Variants in CLRN3 observed in about 807,000 individuals in gnomAD.
CLRN3 encodes the protein clarin-3.
In CLRN3, 12 loss-of-function variants were observed where a neutral mutation model predicts 16.7. The observed-to-expected ratio is 0.72, with a 90% CI of 0.46 to 1.16. CLRN3 has a LOEUF of 1.16. Ranked by LOEUF, CLRN3 falls within the 50% of genes most tolerant of loss-of-function variation. CLRN3 has a pLI of 0.00. For missense variants in CLRN3, 296 were observed against 274.2 expected, an observed-to-expected ratio of 1.08 and a Z score of -0.56; for synonymous variants, 118 against 113.0, an observed-to-expected ratio of 1.04 and a Z score of -0.28.
At chr10:127,888,946 C>A (rs563005635) in intron 1 of CLRN3, among the ~76,000 whole-genome samples, 5 of 152,128 alleles carry the variant, frequency 3.3e-5, no homozygotes, top group African/African-American at 9.7e-5. Context: ...CCTCACCCCG[C>A]GGAGATTGCT....
intron 2 of CLRN3, among the ~76,000 whole-genome samples, chr10:127,881,276 G>A (rs576413377): frequency 1.3e-5 from 2 of 152,202 alleles, no homozygotes; most frequent in East Asian, 1.9e-4. Context: ...TTGTGGATAG[G>A]AGTAGGCAGG....
chr10:127,887,046 T>G (rs1845203328), intron 1 of CLRN3, among the ~76,000 whole-genome samples: 1 of 152,222 alleles, frequency 6.6e-6, no homozygotes, highest in South Asian at 2.1e-4. Context: ...AGGTGAAATT[T>G]CTTGCCTCTG....
chr10:127,883,679 C>G lies in CLRN3; in HGVS notation c.409+17G>C. On this transcript the variant is annotated intron_variant, in intron 2 of 2. Coordinates refer to ENST00000368671, the MANE Select transcript of CLRN3 (RefSeq NM_152311.5). ...TGCAGTTTTCTGCAGAGCACCGAGT[C>G]TCACAGGGCCACTCACCACCGAGCC... 3 of 1,587,822 alleles carry G rather than the reference C, an allele frequency of 1.9e-6. No individual in the cohort carries two copies. The highest frequency in any genetic ancestry group is 2.6e-6 in the Non-Finnish European group (3 of 1,156,352).
intron 2 of CLRN3, among the ~76,000 whole-genome samples, chr10:127,879,880 C>T (rs548422554): frequency 6.6e-4 from 101 of 152,248 alleles, no homozygotes; most frequent in South Asian, 1.0e-3. Context: ...AGGTCTGATA[C>T]GCACGGGGGC....
intron 1 of CLRN3, among the ~76,000 whole-genome samples, chr10:127,892,065 T>A (rs1052133558): frequency 3.9e-5 from 6 of 152,230 alleles, no homozygotes; most frequent in African/African-American, 1.4e-4. Context: ...TTTAATATAA[T>A]TTCCAACGAT....
intron 2 of CLRN3, among the ~76,000 whole-genome samples, chr10:127,881,914 C>A (rs1044559678): frequency 2.0e-5 from 3 of 152,208 alleles, no homozygotes; most frequent in Admixed American, 2.0e-4. Context: ...CAGGCCGAGA[C>A]CTTGACTCGA....
At chr10:127,878,784 AG>A (rs1479623712) in intron 2 of CLRN3, among the ~76,000 whole-genome samples, 1 of 152,210 alleles carries the variant, frequency 6.6e-6, no homozygotes, top group African/African-American at 2.4e-5. Context: ...GTCTGGGAAG[AG>A]CTGAGGAAGG....
chr10:127,878,219 G>A lies in CLRN3; in HGVS notation c.611C>T (p.Ala204Val), dbSNP rs770990419. The change falls in exon 3 of 3, where the codon GCC (alanine) becomes GTC (valine). Residue 204 changes from alanine (A) to valine (V), a missense_variant. Physicochemically the swap from Ala to Val is moderately conservative, Grantham distance 64. Transcript: ENST00000368671. ...TVTIIIFYQKARYQRKQEQRK... is the reference protein window; with the variant it reads ...TVTIIIFYQKVRYQRKQEQRK... ...CTGCTCCTGCTTCCGCTGGTATCTGGCCTTCTGGTAGAAAATGATGATGGT... is the reference window on the plus strand; with the variant it reads ...CTGCTCCTGCTTCCGCTGGTATCTGACCTTCTGGTAGAAAATGATGATGGT... 143 of 1,614,046 alleles carry A rather than the reference G, an allele frequency of 8.9e-5. 2 individuals are homozygous for A. The highest frequency in any genetic ancestry group is 8.6e-4 in the South Asian group (78 of 91,088).
At chr10:127,878,889 G>C (rs7073234) in intron 2 of CLRN3, among the ~76,000 whole-genome samples, 69,339 of 151,946 alleles carry the variant, frequency 0.46, 18,981 homozygotes, top group South Asian at 0.59. Context: ...AAGCTCAGCT[G>C]CTGGGGAGAG....
intron 1 of CLRN3, among the ~76,000 whole-genome samples, chr10:127,887,927 C>T (rs544088764): frequency 2.6e-5 from 4 of 152,290 alleles, no homozygotes; most frequent in Non-Finnish European, 2.9e-5. Context: ...AAGAGAAGAG[C>T]GTCTGGCCCG....
chr10:127,892,873 G>C lies in CLRN3; in HGVS notation c.-89C>G, dbSNP rs1161139819. ...CTTATCTTTTGAAGTCTGGTATTTA[G>C]AAATGGAGTCTAACACTTTATTGTC... On this transcript the variant is annotated 5_prime_UTR_variant, in exon 1 of 3. Coordinates refer to ENST00000368671, the MANE Select transcript of CLRN3 (RefSeq NM_152311.5). 1 of 752,934 alleles carries C rather than the reference G, an allele frequency of 1.3e-6. No individual in the cohort carries two copies. Among genetic ancestry groups the C allele is most frequent in the African/African-American group, 1.8e-5 (1 of 56,942 alleles). The allele number at this position is 752,934 out of a possible 1,614,324, so 46.6% of individuals were successfully genotyped here. A position where few individuals can be genotyped will look rare whatever the true frequency, so the allele number is the denominator to read the frequency against.
In CLRN3 at chr10:127,892,690, G is replaced by A; in HGVS notation, c.95C>T (p.Ala32Val). 6.8e-6 allele frequency: 11 copies of A among 1,612,256 alleles called. No homozygotes were observed. The highest frequency in any genetic ancestry group is 9.3e-6 in the Non-Finnish European group (11 of 1,178,304). ...IVICSILGTQAWITSTIAVRD... is the reference protein window; with the variant it reads ...IVICSILGTQVWITSTIAVRD... ...AACAGCAATTGTACTGGTGATCCAT[G>A]CTTGTGTCCCAAGAATAGAGCAAAT... Residue 32 changes from alanine (A) to valine (V), a missense_variant, in exon 1 of 3, where the codon GCA becomes GTA. By Grantham distance (64) the Ala-to-Val change is moderately conservative. Coordinates refer to ENST00000368671, the MANE Select transcript of CLRN3 (RefSeq NM_152311.5).
intron 2 of CLRN3, among the ~76,000 whole-genome samples, chr10:127,879,200 C>G (rs1845096652): frequency 6.6e-6 from 1 of 152,164 alleles, no homozygotes; most frequent in Non-Finnish European, 1.5e-5. Flanking sequence ...CCTCCACCTC[C>G]CAGGCTCCAT....
intron 2 of CLRN3, among the ~76,000 whole-genome samples, chr10:127,879,642 G>A (rs1347579106): frequency 6.6e-6 from 1 of 152,144 alleles, no homozygotes; most frequent in East Asian, 1.9e-4. Flanking sequence ...ATAGCTAAAG[G>A]GCATGGGGTT....
chr10:127,891,378 G>A (rs1286848171), intron 1 of CLRN3, among the ~76,000 whole-genome samples: 3 of 152,218 alleles, frequency 2.0e-5, no homozygotes, highest in African/African-American at 7.2e-5. Flanking sequence ...TTTGTTAAAT[G>A]TGTCTGAGGC....
intron 2 of CLRN3, among the ~76,000 whole-genome samples, chr10:127,879,129 A>C (rs764481349): frequency 6.6e-6 from 1 of 152,160 alleles, no homozygotes; most frequent in Non-Finnish European, 1.5e-5. Flanking sequence ...GTTTGTTTTG[A>C]GATGGGGTCT....
At position 127,892,648 on chromosome 10, in the gene CLRN3, T is replaced by A. The variant is rs116562518; in HGVS notation, c.137A>T (p.Asn46Ile). 1,202 of 1,612,740 alleles carry A rather than the reference T, an allele frequency of 7.5e-4. 8 individuals are homozygous for A. In the African/African-American group the frequency reaches 0.014, roughly 18 times the overall value. The change falls in exon 1 of 3, where the codon AAT becomes ATT. Residue 46 changes from asparagine to isoleucine, a missense_variant. Transcript: ENST00000368671. The part of the protein sequence containing the change: ...STIAVRDSAS[N>I]GSIFITYGLF... ...TCCGTAAGTGATGAAAATGCTCCCA[T>A]TTGAAGCAGAGTCTCTAACAGCAAT...
At chr10:127,884,032 G>A (rs989334646) in intron 1 of CLRN3, 157 bp from the exon 2 acceptor site, 34 of 680,426 alleles carry the variant, frequency 5.0e-5, no homozygotes, top group Middle Eastern at 2.4e-4. Context: ...AACAAGACCC[G>A]CATTCCCCAC....
chr10:127,884,270 A>G (rs966555226), intron 1 of CLRN3, among the ~76,000 whole-genome samples: 4 of 152,110 alleles, frequency 2.6e-5, no homozygotes, highest in Admixed American at 1.3e-4. Flanking sequence ...CTTGGCTTCC[A>G]CTTGGAGGCA....
Sources: allele counts gnomAD v4.1 joint callset (sites outside exome capture counted in the v4.1 genomes callset), GRCh38; gene constraint gnomAD v4.1.1; transcripts MANE v1.5; gene names NCBI Gene and HGNC (gene_info 2026-07-23, HGNC 2026-07-21).